Variants in PFKFB1 observed in about 807,000 individuals in gnomAD.
PFKFB1 encodes the protein 6-phosphofructo-2-kinase/fructose-2,6-bisphosphatase 1.
Under a neutral mutation model 46.4 loss-of-function variants are expected in PFKFB1, and 34 were observed. That is an observed-to-expected ratio of 0.73 (90% CI 0.56 to 0.98). PFKFB1 has a LOEUF of 0.98. Ranked by LOEUF, PFKFB1 falls within the 50% of genes least tolerant of loss-of-function variation. PFKFB1 has a pLI of 0.00. For synonymous variants in PFKFB1, 119 were observed against 133.8 expected, an observed-to-expected ratio of 0.89 and a Z score of 0.76; for missense variants, 393 against 376.3, an observed-to-expected ratio of 1.04 and a Z score of -0.37.
intron 2 of PFKFB1, among the ~76,000 whole-genome samples, chrX:54,961,335 G>C (rs1305417868): frequency 1.8e-5 from 2 of 110,741 alleles, no homozygotes; most frequent in South Asian, 7.8e-4. Context: ...AATCACCAAG[G>C]GTCAAACAGT....
intron 5 of PFKFB1, 71 bp downstream of exon 5, chrX:54,958,780 C>T (rs1233298885): frequency 2.8e-6 from 2 of 710,977 alleles, no homozygotes; most frequent in Admixed American, 5.0e-5. Context: ...CTCTGAGTCC[C>T]CTGGTTTGCC....
intron 1 of PFKFB1, among the ~76,000 whole-genome samples, chrX:54,969,193 T>C (rs1934568108): frequency 9.0e-6 from 1 of 111,195 alleles, no homozygotes; most frequent in Admixed American, 9.6e-5. Flanking sequence ...GTGGGACCTT[T>C]AAGAAGTGAT....
At chrX:54,954,468 A>G (rs1347477652) in intron 7 of PFKFB1, among the ~76,000 whole-genome samples, 1 of 112,345 alleles carries the variant, frequency 8.9e-6, no homozygotes, top group Non-Finnish European at 1.9e-5. Flanking sequence ...AGCTGAGATC[A>G]CGCAACTGCA....
chrX:54,994,402 A>G, upstream of PFKFB1: 9 of 754,257 alleles, frequency 1.2e-5, no homozygotes, highest in Non-Finnish European at 1.4e-5. Flanking sequence ...GTATGCAAAT[A>G]AAAGACCAAA....
intron 10 of PFKFB1, among the ~76,000 whole-genome samples, chrX:54,943,134 G>T (rs755667811): frequency 4.8e-4 from 54 of 111,797 alleles, no homozygotes; most frequent in Non-Finnish European, 9.2e-4. Context: ...CTCAGATTCA[G>T]GAAGTCTCAC....
intron 9 of PFKFB1, among the ~76,000 whole-genome samples, chrX:54,947,323 A>G (rs1286617640): frequency 9.0e-6 from 1 of 111,357 alleles, no homozygotes; most frequent in Non-Finnish European, 1.9e-5. Context: ...TCCTCTGTCT[A>G]CCCTATTTAG....
At chrX:54,961,824 G>A (rs1934323114) in intron 2 of PFKFB1, among the ~76,000 whole-genome samples, 1 of 112,054 alleles carries the variant, frequency 8.9e-6, no homozygotes, top group Non-Finnish European at 1.9e-5. Flanking sequence ...TTTTAGGGTA[G>A]GCACCTTTTA....
chrX:54,998,426 T>TCTTCCATCG, upstream of PFKFB1: 1 of 1,152,656 alleles, frequency 8.7e-7, no homozygotes. Flanking sequence ...AGAGGTTTTT[T>TCTTCCATCG]CTTCCATCGC....
At chrX:54,952,339 C>T (rs1471932024) in intron 7 of PFKFB1, among the ~76,000 whole-genome samples, 1 of 111,952 alleles carries the variant, frequency 8.9e-6, no homozygotes, top group Non-Finnish European at 1.9e-5. Context: ...TGTCTCCTTC[C>T]TTCAGCCTCA....
chrX:54,993,266 C>T (rs1351599789), intron 1 of PFKFB1, among the ~76,000 whole-genome samples: 2 of 112,591 alleles, frequency 1.8e-5, no homozygotes, highest in African/African-American at 6.5e-5. Context: ...GAGCACCACA[C>T]CAGTGGGCTG....
chrX:54,998,603 T>A, upstream of PFKFB1: 1 of 442,000 alleles, frequency 2.3e-6, no homozygotes, highest in Non-Finnish European at 3.9e-6. Flanking sequence ...TCAGCTGTTG[T>A]AGTTGCCAAA....
Position 54,951,904 on chromosome X carries a change from C to T in PFKFB1, c.846+1G>A. 8.4e-7 allele frequency: 1 copy of T among 1,191,425 alleles called. No individual in the cohort carries two copies. Among genetic ancestry groups the T allele is most frequent in the Non-Finnish European group, 1.1e-6 (1 of 884,433 alleles). The stretch of plus-strand genomic sequence containing the variant: ...ATCTGGGTGTGTGTGGCCCACCCTA[C>T]CTGCTTGCCGCGAACTGAGAGGCCA... On this transcript the variant is annotated splice_donor_variant, in intron 8 of 13. Transcript: ENST00000375006. LOFTEE classifies it high-confidence loss of function.
intron 1 of PFKFB1, among the ~76,000 whole-genome samples, chrX:54,987,402 T>C (rs1254677184): frequency 9.0e-6 from 1 of 111,167 alleles, no homozygotes; most frequent in Non-Finnish European, 1.9e-5. Context: ...TTTCAAAAAG[T>C]AGAAGAGGAA....
chrX:54,972,155 A>T (rs1226478581), intron 1 of PFKFB1, among the ~76,000 whole-genome samples: 1 of 111,410 alleles, frequency 9.0e-6, no homozygotes, highest in African/African-American at 3.3e-5. Flanking sequence ...TTATTGGTGT[A>T]TAAGAATGCT....
chrX:54,956,297 T>C, intron 6 of PFKFB1, 23 bp from the exon 7 acceptor site: 1 of 1,209,121 alleles, frequency 8.3e-7, no homozygotes, highest in Non-Finnish European at 1.1e-6. Context: ...AGAACAGAGG[T>C]ATCAAGGGAG....
intron 1 of PFKFB1, among the ~76,000 whole-genome samples, chrX:54,977,080 C>T (rs914749547): frequency 6.3e-5 from 7 of 110,446 alleles, no homozygotes; most frequent in African/African-American, 2.3e-4. Context: ...TGACTTTATA[C>T]GTTTGTCAAA....
rs1047234324 is a variant in PFKFB1, at chrX:54,988,441, G to A, written c.97+5470C>T. Reference sequence around the variant, plus strand: ...TAGATTAAATGCAGCTTCTGTCAAAGTTTCAGCTTAATTCTTTGCAGAAAT... The same window carrying A: ...TAGATTAAATGCAGCTTCTGTCAAAATTTCAGCTTAATTCTTTGCAGAAAT... On this transcript the variant is annotated intron_variant, in intron 1 of 13. Coordinates refer to ENST00000375006, the MANE Select transcript of PFKFB1 (RefSeq NM_002625.4). Among the ~76,000 whole-genome samples, 9 of 111,445 alleles carry A rather than the reference G, an allele frequency of 8.1e-5. 1 individual carries two copies. Among genetic ancestry groups the A allele is most frequent in the Non-Finnish European group, 1.7e-4 (9 of 52,943 alleles).
rs1602197312 is a variant in PFKFB1, at chrX:54,958,717, G to C, written c.459+134C>G. The stretch of plus-strand genomic sequence containing the variant: ...CTTTGCTGCTTCTGACTATATCCTG[G>C]AAAGTTAGAGAACCAAATTAAAATG... On this transcript the variant is annotated intron_variant, in intron 5 of 13. Coordinates refer to ENST00000375006, the MANE Select transcript of PFKFB1 (RefSeq NM_002625.4). 6 of 468,254 alleles carry C rather than the reference G, an allele frequency of 1.3e-5. No individual in the cohort carries two copies. The East Asian group carries it at 2.1e-4, about 16-fold the overall frequency. The allele number at this position is 468,254 out of a possible 1,213,427, so 38.6% of individuals were successfully genotyped here.
At chrX:54,945,150 T>C (rs1257827325) in intron 10 of PFKFB1, among the ~76,000 whole-genome samples, 2 of 112,511 alleles carry the variant, frequency 1.8e-5, no homozygotes, top group East Asian at 5.6e-4. Flanking sequence ...AGTGTCTTCA[T>C]GAAGGGATAC....
Sources: gnomAD v4.1 joint callset for allele counts (sites outside exome capture counted in the v4.1 genomes callset) on GRCh38, gnomAD v4.1.1 for gene constraint, MANE v1.5 for transcripts, NCBI Gene and HGNC (gene_info 2026-07-23, HGNC 2026-07-21) for gene names.